TBC1D1: variants seen among roughly 807,000 people sequenced by gnomAD.
TBC1D1 encodes TBC1 domain family member 1, also known as TBC1 (tre-2/USP6, BUB2, cdc16) domain family, member 1.
Under a neutral mutation model 125.6 loss-of-function variants are expected in TBC1D1, and 89 were observed. The observed-to-expected ratio is 0.71, with a 90% CI of 0.60 to 0.85. The LOEUF (loss-of-function observed/expected upper bound fraction) is 0.85. Among genes scored for constraint, TBC1D1 ranks in the 40% least tolerant of loss-of-function variants. TBC1D1 has a pLI of 0.00. For synonymous variants in TBC1D1, 565 were observed against 564.1 expected, an observed-to-expected ratio of 1.00 and a Z score of -0.02; for missense variants, 1,377 against 1,469.2, an observed-to-expected ratio of 0.94 and a Z score of 1.03.
At chr4:37,985,220 TG>T (rs1436978189) in intron 2 of TBC1D1, among the ~76,000 whole-genome samples, 1 of 152,226 alleles carries the variant, frequency 6.6e-6, no homozygotes, top group Non-Finnish European at 1.5e-5. Flanking sequence ...CCCAAAGTGC[TG>T]GGATTACAGG....
chr4:37,988,882 A>T (rs1292818506), intron 2 of TBC1D1, among the ~76,000 whole-genome samples: 1 of 152,208 alleles, frequency 6.6e-6, no homozygotes, highest in Non-Finnish European at 1.5e-5. Context: ...TCTGGAATTC[A>T]GGCACAACTG....
rs754865814 is a variant in TBC1D1 at position 37,960,581 on chromosome 4, A to G, written c.418-53928A>G. 6 of 1,614,104 alleles carry G rather than the reference A, an allele frequency of 3.7e-6. No homozygotes were observed. The Admixed American group carries it at 1.0e-4, about 27-fold the overall frequency. ...TTTTAACACGACGTTTTGGCAAAAC[A>G]TACGATGCTCCATCAGCCTTACCTA... is the stretch of plus-strand genomic sequence containing the variant. On this transcript the variant is annotated intron_variant, in intron 2 of 19. Transcript: ENST00000261439.
At chr4:38,050,177 G>T (rs1347159149) in intron 11 of TBC1D1, among the ~76,000 whole-genome samples, 1 of 152,208 alleles carries the variant, frequency 6.6e-6, no homozygotes, top group South Asian at 2.1e-4. Context: ...GTTGTTGACT[G>T]TGGAACTTTG....
chr4:38,078,188 A>AC (rs1755926884), intron 12 of TBC1D1, among the ~76,000 whole-genome samples: 1 of 152,132 alleles, frequency 6.6e-6, no homozygotes, highest in Non-Finnish European at 1.5e-5. Context: ...CCTTTCTGGC[A>AC]CCCCCAGGCC....
chr4:38,064,313 G>T (rs1021069288), intron 12 of TBC1D1, among the ~76,000 whole-genome samples: 1 of 152,196 alleles, frequency 6.6e-6, no homozygotes, highest in Non-Finnish European at 1.5e-5. Flanking sequence ...GTGTTTTTGT[G>T]TGTTGAATGT....
chr4:38,024,918 C>G (rs1406820994), intron 6 of TBC1D1, among the ~76,000 whole-genome samples: 1 of 152,192 alleles, frequency 6.6e-6, no homozygotes, highest in African/African-American at 2.4e-5. Context: ...CCCCCAGAAT[C>G]TATAAGATAG....
At chr4:37,954,409 G>T (rs1293907048) in intron 2 of TBC1D1, among the ~76,000 whole-genome samples, 2 of 148,684 alleles carry the variant, frequency 1.3e-5, no homozygotes, top group Non-Finnish European at 3.0e-5. Context: ...AAAAAAAATT[G>T]CCTACTATGT....
At chr4:38,011,058 T>C (rs887690584) in intron 2 of TBC1D1, among the ~76,000 whole-genome samples, 1 of 152,036 alleles carries the variant, frequency 6.6e-6, no homozygotes, top group African/African-American at 2.4e-5. Context: ...TTTTAGAAAA[T>C]AGTGCCTCAG....
intron 2 of TBC1D1, among the ~76,000 whole-genome samples, chr4:38,001,025 C>T (rs542431290): frequency 1.3e-5 from 2 of 152,202 alleles, no homozygotes; most frequent in East Asian, 3.9e-4. Flanking sequence ...TCGAGACCAT[C>T]CTGGGTAACA....
chr4:38,030,992 C>G (rs1004265795), intron 7 of TBC1D1, among the ~76,000 whole-genome samples: 2 of 152,188 alleles, frequency 1.3e-5, no homozygotes, highest in African/African-American at 4.8e-5. Context: ...GAACTTAATG[C>G]CAGATGGGCA....
At chr4:37,951,702 A>G (rs1232653807) in intron 2 of TBC1D1, among the ~76,000 whole-genome samples, 1 of 152,206 alleles carries the variant, frequency 6.6e-6, no homozygotes, top group Non-Finnish European at 1.5e-5. Flanking sequence ...CGATATTTGA[A>G]AAGGCCATTC....
At chr4:37,962,227 A>G (rs1047424682) in intron 2 of TBC1D1, among the ~76,000 whole-genome samples, 1 of 152,208 alleles carries the variant, frequency 6.6e-6, no homozygotes, top group Non-Finnish European at 1.5e-5. Flanking sequence ...AGGTGTGGGC[A>G]TAAGCTCCTA....
rs151131908 is a variant in TBC1D1 at position 38,077,104 on chromosome 4, G to GA, written c.2051-12827dup. Among the ~76,000 whole-genome samples the GA allele has an allele frequency of 5.4e-3, 828 of 152,314 alleles. 10 individuals carry two copies. Among genetic ancestry groups the GA allele is most frequent in the African/African-American group, 0.019 (794 of 41,554 alleles). ...AGCCTTTGTCATCACATCATCAGAG[G>GA]ATGATAGCTCTTAATGAGGATCTAA... is the stretch of plus-strand genomic sequence containing the variant. On this transcript the variant is annotated intron_variant, in intron 12 of 19. Coordinates refer to ENST00000261439, the MANE Select transcript of TBC1D1 (RefSeq NM_015173.4).
At chr4:38,000,582 T>A (rs1738850650) in intron 2 of TBC1D1, among the ~76,000 whole-genome samples, 1 of 152,196 alleles carries the variant, frequency 6.6e-6, no homozygotes, top group East Asian at 1.9e-4. Flanking sequence ...CTGTAGCAGT[T>A]CCTGTGACTA....
intron 19 of TBC1D1, among the ~76,000 whole-genome samples, chr4:38,135,484 G>A (rs1187874717): frequency 6.6e-6 from 1 of 152,196 alleles, no homozygotes; most frequent in Admixed American, 6.5e-5. Flanking sequence ...TAAAAGCATC[G>A]GTGTTATTGA....
intron 12 of TBC1D1, among the ~76,000 whole-genome samples, chr4:38,071,286 ACT>A (rs1754661195): frequency 1.3e-5 from 2 of 152,220 alleles, no homozygotes; most frequent in Admixed American, 1.3e-4. Flanking sequence ...GTCCAAAAGC[ACT>A]GTGTTGCCTA....
At chr4:38,017,291 G>C (rs1162733350) in intron 3 of TBC1D1, among the ~76,000 whole-genome samples, 1 of 152,322 alleles carries the variant, frequency 6.6e-6, no homozygotes, top group East Asian at 1.9e-4. Context: ...CAAATAAGGA[G>C]GATATTGTGT....
intron 1 of TBC1D1, among the ~76,000 whole-genome samples, chr4:37,892,857 C>T (rs908129919): frequency 2.0e-5 from 3 of 152,064 alleles, no homozygotes; most frequent in African/African-American, 7.2e-5. Context: ...CAGAGCTTGC[C>T]CCTTCTTCCT....
chr4:38,118,776 A>C (rs1415848676), intron 17 of TBC1D1, among the ~76,000 whole-genome samples: 2 of 152,204 alleles, frequency 1.3e-5, no homozygotes, highest in Admixed American at 6.5e-5. Context: ...CCCACATGTC[A>C]CAGCCACTGC....
Sources: allele counts gnomAD v4.1 joint callset (sites outside exome capture counted in the v4.1 genomes callset), GRCh38; gene constraint gnomAD v4.1.1; transcripts MANE v1.5; gene names NCBI Gene and HGNC (gene_info 2026-07-23, HGNC 2026-07-21).